AMMECR1: variants seen among roughly 807,000 people sequenced by gnomAD.
AMMECR1 encodes the protein nuclear protein AMMECR1.
A neutral mutation model predicts 22.5 loss-of-function variants in AMMECR1; 3 were observed. The observed-to-expected ratio is 0.13, with a 90% confidence interval of 0.06 to 0.35. The LOEUF (loss-of-function observed/expected upper bound fraction) is 0.35. AMMECR1 is among the 10% of genes least tolerant of loss of function. The pLI, the probability that AMMECR1 is intolerant of heterozygous loss-of-function variation, is 1.00. For missense variants in AMMECR1, 235 were observed against 278.7 expected (o/e 0.84, Z 1.12); for synonymous variants, 130 against 116.7 (o/e 1.11, Z -0.74).
intron 2 of AMMECR1, among the ~76,000 whole-genome samples, chrX:110,372,665 T>C (rs1427852344): frequency 8.9e-6 from 1 of 112,161 alleles, no homozygotes; most frequent in Non-Finnish European, 1.9e-5. Flanking sequence ...ATTTTCACTG[T>C]TAAAAGCAAC....
chrX:110,392,375 G>A (rs1305339238), intron 2 of AMMECR1, among the ~76,000 whole-genome samples: 1 of 106,356 alleles, frequency 9.4e-6, no homozygotes, highest in Non-Finnish European at 1.9e-5. Context: ...TCCTGGGCTC[G>A]AGTGATCCTC....
chrX:110,304,515 G>A (rs1164561027), intron 1 of AMMECR1, among the ~76,000 whole-genome samples: 2 of 112,335 alleles, frequency 1.8e-5, no homozygotes, highest in African/African-American at 6.5e-5. Context: ...CTCAGGCAGT[G>A]TGACATAACC....
intron 1 of AMMECR1, among the ~76,000 whole-genome samples, chrX:110,281,240 TGGTAA>T (rs1194864668): frequency 7.1e-5 from 8 of 112,083 alleles, no homozygotes; most frequent in Non-Finnish European, 1.5e-4. Context: ...ATTTGCCTCA[TGGTAA>T]GAATGGCTTC....
At chrX:110,346,891 C>A (rs768772290) in intron 2 of AMMECR1, 5 of 613,360 alleles carry the variant, frequency 8.2e-6, no homozygotes, top group Non-Finnish European at 1.4e-5. Context: ...GTAGCGGCGA[C>A]GCTGGAGAAG....
intron 1 of AMMECR1, among the ~76,000 whole-genome samples, chrX:110,267,997 C>A (rs1418846287): frequency 8.9e-6 from 1 of 112,069 alleles, no homozygotes; most frequent in East Asian, 2.8e-4. Flanking sequence ...TTTTACAAGG[C>A]AGCCTGAGGA....
At chrX:110,395,354 C>A (rs113909458) in intron 2 of AMMECR1, among the ~76,000 whole-genome samples, 234 of 112,130 alleles carry the variant, frequency 2.1e-3, no homozygotes, top group African/African-American at 7.1e-3. Context: ...CCCTCTTCAC[C>A]AGGGCAGAGG....
chrX:110,264,468 G>A (rs762286009), intron 2 of AMMECR1, 21 bp downstream of exon 2: 1 of 990,626 alleles, frequency 1.0e-6, no homozygotes, highest in Non-Finnish European at 1.4e-6. Context: ...AAAAGCAGAG[G>A]TAACAAAAAT....
Position 110,346,399 on chromosome X carries a change from A to G in AMMECR1, c.-147-28550T>C, listed in dbSNP as rs937708609. ...GTCAAATATCACTAGTATTCAAAGAAATAATAAACCACAATAAGTTACTAG... is the reference window on the plus strand; with the variant it reads ...GTCAAATATCACTAGTATTCAAAGAGATAATAAACCACAATAAGTTACTAG... On this transcript the variant is annotated intron_variant, in intron 2 of 7. Transcript: ENST00000372057. Among the ~76,000 whole-genome samples the G allele has an allele frequency of 1.0e-3, 118 of 112,393 alleles. 4 individuals are homozygous for G. Among genetic ancestry groups the G allele is most frequent in the Non-Finnish European group, 2.4e-4 (13 of 53,308 alleles).
chrX:110,260,153 G>A (rs2067732693), intron 2 of AMMECR1, among the ~76,000 whole-genome samples: 2 of 111,329 alleles, frequency 1.8e-5, no homozygotes, highest in African/African-American at 6.5e-5. Flanking sequence ...ATAATTCTGA[G>A]CTCTCCATCC....
intron 2 of AMMECR1, among the ~76,000 whole-genome samples, chrX:110,410,835 A>G (rs2068637203): frequency 8.9e-6 from 1 of 112,338 alleles, no homozygotes; most frequent in African/African-American, 3.2e-5. Flanking sequence ...CCAAGCCACA[A>G]GCTTATCATT....
At chrX:110,332,648 A>G (rs2068125278) in intron 2 of AMMECR1, among the ~76,000 whole-genome samples, 1 of 111,691 alleles carries the variant, frequency 9.0e-6, no homozygotes, top group Admixed American at 9.5e-5. Flanking sequence ...CCCCTTTCTT[A>G]GGTGCTTTTG....
chrX:110,434,708 G>A (rs945017259), intron 1 of AMMECR1, among the ~76,000 whole-genome samples: 4 of 111,201 alleles, frequency 3.6e-5, no homozygotes, highest in African/African-American at 6.6e-5. Context: ...GCTGGATAGC[G>A]GACATGTCCA....
chrX:110,294,586 G>A (rs2067925557), intron 1 of AMMECR1, among the ~76,000 whole-genome samples: 1 of 111,718 alleles, frequency 9.0e-6, no homozygotes, highest in Admixed American at 9.5e-5. Flanking sequence ...AAAACCTGTT[G>A]AGAGCTTTTA....
chrX:110,224,672 A>T lies in AMMECR1; in HGVS notation c.585-8040T>A, dbSNP rs187030850. Among the ~76,000 whole-genome samples the T allele has an allele frequency of 6.0e-4, 67 of 111,764 alleles. 1 individual carries two copies. In the East Asian group the frequency reaches 0.017, roughly 28 times the overall value. On this transcript the variant is annotated intron_variant, in intron 2 of 5. Coordinates refer to ENST00000262844, the MANE Select transcript of AMMECR1 (RefSeq NM_015365.3). Reference sequence around the variant, plus strand: ...AGTTTTCTTGAACTACAGTTTTTAAATCTTTTGGGCAGGAATTGTTCTTTT... The same window carrying T: ...AGTTTTCTTGAACTACAGTTTTTAATTCTTTTGGGCAGGAATTGTTCTTTT...
chrX:110,277,010 CT>C (rs1442195478), intron 1 of AMMECR1, among the ~76,000 whole-genome samples: 2 of 110,994 alleles, frequency 1.8e-5, no homozygotes, highest in African/African-American at 6.6e-5. Context: ...CGTTTGTTCC[CT>C]TTCTCTCAGT....
intron 1 of AMMECR1, chrX:110,309,020 A>C (rs764005472): frequency 8.9e-6 from 1 of 112,185 alleles, no homozygotes; most frequent in African/African-American, 3.2e-5. Context: ...TGCTACAATG[A>C]ATTATGTACT....
chrX:110,222,999 A>T (rs1347047231), intron 2 of AMMECR1, among the ~76,000 whole-genome samples: 2 of 111,863 alleles, frequency 1.8e-5, no homozygotes, highest in African/African-American at 6.5e-5. Flanking sequence ...ATAGCTGCCC[A>T]CCAGGAAGGG....
chrX:110,249,054 A>T (rs1158071347), intron 2 of AMMECR1, among the ~76,000 whole-genome samples: 1 of 111,768 alleles, frequency 8.9e-6, no homozygotes, highest in Non-Finnish European at 1.9e-5. Context: ...CTGAACTGGG[A>T]GGATAGCTGT....
intron 1 of AMMECR1, among the ~76,000 whole-genome samples, chrX:110,274,617 T>C (rs758154863): frequency 2.6e-4 from 29 of 112,171 alleles, no homozygotes; most frequent in African/African-American, 8.7e-4. Context: ...CATACCTGTG[T>C]CTTTATCCTT....
Sources: gnomAD v4.1 joint callset for allele counts (sites outside exome capture counted in the v4.1 genomes callset) on GRCh38, gnomAD v4.1.1 for gene constraint, MANE v1.5 for transcripts, NCBI Gene and HGNC (gene_info 2026-07-23, HGNC 2026-07-21) for gene names.